Variants in RYR3 observed in about 807,000 individuals in gnomAD.
RYR3 encodes brain ryanodine receptor-calcium release channel.
RYR3 carries 207 observed loss-of-function variants against 584.3 expected under a neutral mutation model. That is an observed-to-expected ratio of 0.35 (90% CI 0.32 to 0.40). RYR3 has a LOEUF of 0.40. RYR3 is among the 10% of genes least tolerant of loss of function. RYR3 has a pLI of 1.00. For missense variants in RYR3, 5,616 were observed against 6,089.2 expected (o/e 0.92, Z 2.59); for synonymous variants, 2,416 against 2,248.5 (o/e 1.07, Z -2.11).
At position 33,662,961 on chromosome 15, in the gene RYR3, T is replaced by C. The variant is rs2063254364; in HGVS notation, c.5418+13T>C. On this transcript the variant is annotated intron_variant, in intron 35 of 103. Transcript: ENST00000634891. ...CGTCAAGCTGCAGGTAAGCTGCAGG[T>C]GGTTAAGTGGAGGCAGGTTAATAGA... 2 of 1,605,692 alleles carry C rather than the reference T, an allele frequency of 1.2e-6. No homozygotes were observed. The highest frequency in any genetic ancestry group is 1.7e-4 in the Middle Eastern group (1 of 6,058).
chr15:33,444,431 C>T (rs954169500), intron 1 of RYR3, among the ~76,000 whole-genome samples: 1 of 152,112 alleles, frequency 6.6e-6, no homozygotes, highest in African/African-American at 2.4e-5. Context: ...GACCCTACTC[C>T]TTGGTTATGT....
chr15:33,824,662 C>T (rs1390699423), intron 81 of RYR3, among the ~76,000 whole-genome samples: 1 of 152,104 alleles, frequency 6.6e-6, no homozygotes. Flanking sequence ...TGAAACTTAC[C>T]TAAATCACAA....
chr15:33,772,888 A>C (rs184845938), intron 63 of RYR3, among the ~76,000 whole-genome samples: 19 of 152,316 alleles, frequency 1.2e-4, no homozygotes, highest in African/African-American at 4.3e-4. Context: ...AGAAAACATT[A>C]AATTAGTTCT....
In RYR3 at chr15:33,493,112, C is replaced by T. The variant is rs147292628; in HGVS notation, c.172-10519C>T. 4.3e-4 allele frequency among the ~76,000 whole-genome samples: 65 copies of T among 151,324 alleles called. 1 individual carries two copies. In the East Asian group the frequency reaches 0.012, roughly 28 times the overall value. ...TGAGACAAAAACCTGAACATTAGCT[C>T]GAGACTTAGACCTTCCTTCTCCCCT... On this transcript the variant is annotated intron_variant, in intron 2 of 103. Transcript: ENST00000634891.
At chr15:33,811,333 G>A (rs996847268) in intron 72 of RYR3, among the ~76,000 whole-genome samples, 3 of 151,966 alleles carry the variant, frequency 2.0e-5, no homozygotes, top group South Asian at 2.1e-4. Context: ...GTGAAACCCC[G>A]TCTGTACTAA....
chr15:33,738,222 A>G (rs2069699700), intron 49 of RYR3, among the ~76,000 whole-genome samples: 2 of 152,178 alleles, frequency 1.3e-5, no homozygotes, highest in Admixed American at 6.5e-5. Flanking sequence ...ATTAGGAGGC[A>G]TAAGAATTAA....
Position 33,805,688 on chromosome 15 carries a change from A to G in RYR3, c.10012-1867A>G, listed in dbSNP as rs532690800. On this transcript the variant is annotated intron_variant, in intron 69 of 103. Coordinates refer to ENST00000634891, the MANE Select transcript of RYR3 (RefSeq NM_001036.6). ...GAGACAGGGTTTCACTGTGTTAGCCAGGATGGTCTCGATCTCCTGACGTCA... is the reference window on the plus strand; with the variant it reads ...GAGACAGGGTTTCACTGTGTTAGCCGGGATGGTCTCGATCTCCTGACGTCA... Among the ~76,000 whole-genome samples, 277 of 151,762 alleles carry G rather than the reference A, an allele frequency of 1.8e-3. 1 individual carries two copies. Among genetic ancestry groups the G allele is most frequent in the South Asian group, 5.2e-3 (25 of 4,764 alleles).
At chr15:33,847,747 A>T (rs1011540857) in intron 93 of RYR3, 3 of 152,530 alleles carry the variant, frequency 2.0e-5, no homozygotes, top group Admixed American at 1.3e-4. Flanking sequence ...CTTTACGGAC[A>T]GAATCTCAGG....
chr15:33,564,969 C>T (rs1383833130), intron 11 of RYR3, among the ~76,000 whole-genome samples: 1 of 152,110 alleles, frequency 6.6e-6, no homozygotes, highest in African/African-American at 2.4e-5. Context: ...ATGAACAAAA[C>T]AGTAATCAAG....
At chr15:33,538,034 G>T (rs934911288) in intron 5 of RYR3, among the ~76,000 whole-genome samples, 3 of 151,052 alleles carry the variant, frequency 2.0e-5, no homozygotes, top group Non-Finnish European at 4.4e-5. Context: ...CTTTTCCTTG[G>T]AAGGGATCCT....
intron 1 of RYR3, among the ~76,000 whole-genome samples, chr15:33,384,406 G>A (rs779156562): frequency 7.4e-5 from 11 of 148,702 alleles, no homozygotes; most frequent in Non-Finnish European, 1.2e-4. Flanking sequence ...CACAAATTGG[G>A]TATTTTGTAC....
At chr15:33,396,628 T>G (rs1567159036) in intron 1 of RYR3, among the ~76,000 whole-genome samples, 1 of 152,194 alleles carries the variant, frequency 6.6e-6, no homozygotes, top group Admixed American at 6.5e-5. Flanking sequence ...GCTGCCTGTG[T>G]ACAAATCTAA....
At position 33,618,551 on chromosome 15, in the gene RYR3, C is replaced by T. The variant is rs548396534; in HGVS notation, c.2357+5176C>T. ...AACTCAGATTGTTCTCCAGTCTTAGCGATAGGGGCTAAAGATGCAATTATG... is the reference window on the plus strand; with the variant it reads ...AACTCAGATTGTTCTCCAGTCTTAGTGATAGGGGCTAAAGATGCAATTATG... On this transcript the variant is annotated intron_variant, in intron 19 of 103. Coordinates refer to ENST00000634891, the MANE Select transcript of RYR3 (RefSeq NM_001036.6). Among the ~76,000 whole-genome samples the T allele has an allele frequency of 3.3e-5, 5 of 152,286 alleles. No homozygotes were observed. The South Asian group carries it at 8.3e-4, about 25-fold the overall frequency.
At chr15:33,808,341 C>T (rs1455584441) in intron 70 of RYR3, among the ~76,000 whole-genome samples, 1 of 152,182 alleles carries the variant, frequency 6.6e-6, no homozygotes, top group Non-Finnish European at 1.5e-5. Context: ...TTGGGAGGAT[C>T]ATAAATGTTT....
At chr15:33,368,805 G>A (rs1238536573) in intron 1 of RYR3, among the ~76,000 whole-genome samples, 4 of 152,092 alleles carry the variant, frequency 2.6e-5, no homozygotes, top group Admixed American at 2.6e-4. Context: ...GGGCTCTAGT[G>A]TCTCGAGATT....
intron 91 of RYR3, among the ~76,000 whole-genome samples, chr15:33,842,965 T>A (rs1440686843): frequency 2.6e-5 from 4 of 152,174 alleles, no homozygotes; most frequent in Non-Finnish European, 4.4e-5. Flanking sequence ...AATTTTTTTT[T>A]AAATCAACAT....
intron 27 of RYR3, among the ~76,000 whole-genome samples, chr15:33,640,864 T>C (rs1396557883): frequency 2.6e-5 from 4 of 152,234 alleles, no homozygotes; most frequent in African/African-American, 9.6e-5. Flanking sequence ...GGTGGTATTC[T>C]TTGCCCTCTT....
At chr15:33,654,631 G>A (rs77980894) in intron 32 of RYR3, among the ~76,000 whole-genome samples, 1,793 of 152,148 alleles carry the variant, frequency 0.012, 18 homozygotes, top group Non-Finnish European at 0.018. Context: ...GGACAACATC[G>A]CATAGGGCTC....
At chr15:33,784,390 G>A (rs551806387) in intron 65 of RYR3, among the ~76,000 whole-genome samples, 33 of 152,314 alleles carry the variant, frequency 2.2e-4, no homozygotes, top group Admixed American at 5.9e-4. Flanking sequence ...AATCCCAATG[G>A]CAAAGGGCCT....
Sources: allele counts gnomAD v4.1 joint callset (sites outside exome capture counted in the v4.1 genomes callset), GRCh38; gene constraint gnomAD v4.1.1; transcripts MANE v1.5; gene names NCBI Gene and HGNC (gene_info 2026-07-23, HGNC 2026-07-21).